FMNL1: variants seen among roughly 807,000 people sequenced by gnomAD.
FMNL1 encodes the protein formin-like protein 1.
FMNL1 carries 43 observed loss-of-function variants against 121.3 expected under a neutral mutation model. The ratio of observed to expected loss-of-function variants is 0.35; its 90% CI spans 0.28 to 0.46. The LOEUF (loss-of-function observed/expected upper bound fraction) is 0.46. FMNL1 is among the 20% of genes least tolerant of loss of function. The probability of loss-of-function intolerance (pLI) is 1.00; values close to 1 mark genes in which losing one functional copy is unlikely to be tolerated. For synonymous variants in FMNL1, 613 were observed against 613.5 expected, an observed-to-expected ratio of 1.00 and a Z score of 0.01; for missense variants, 1,191 against 1,482.4, an observed-to-expected ratio of 0.80 and a Z score of 3.23.
chr17:45,245,004 G>A lies in FMNL1; in HGVS notation c.2624G>A (p.Arg875His), dbSNP rs764905564. 1.2e-6 allele frequency: 2 copies of A among 1,613,914 alleles called. No individual in the cohort carries two copies. The highest frequency in any genetic ancestry group is 1.1e-5 in the South Asian group (1 of 91,088). ...CTGTTGGAGATGAAGTCGACTGATC[G>A]CAAGCAGACGCTGCTGCACTACCTG... ...DALLEMKSTD[R>H]KQTLLHYLVK... The change falls in exon 21 of 27, where the codon CGC (arginine) becomes CAC (histidine). Residue 875 changes from arginine to histidine, a missense_variant. This residue lies in a region of FMNL1 where 367 missense variants were observed against 528.6 expected (regional missense o/e 0.69). Coordinates refer to ENST00000331495, the MANE Select transcript of FMNL1 (RefSeq NM_005892.4).
At chr17:45,238,522 G>A (rs759838048) in intron 9 of FMNL1, 42 bp from the exon 10 acceptor site, 35 of 1,607,414 alleles carry the variant, frequency 2.2e-5, no homozygotes, top group South Asian at 3.3e-5. Flanking sequence ...AGCTTAGGAC[G>A]TGTGTCACTG....
intron 1 of FMNL1, among the ~76,000 whole-genome samples, chr17:45,225,241 G>T (rs573825947): frequency 6.6e-6 from 1 of 152,376 alleles, no homozygotes; most frequent in African/African-American, 2.4e-5. Context: ...GGGAGGTCAG[G>T]ATGGCCCCAT....
rs1419790319 is a variant in FMNL1, at chr17:45,246,925, TC to T, written c.*72del. On this transcript the variant is annotated 3_prime_UTR_variant, in exon 27 of 27. Coordinates refer to ENST00000331495, the MANE Select transcript of FMNL1 (RefSeq NM_005892.4). ...CAGGCCGCCGCAGTGCCCGTCGGCGTCCCCCGGGCCCCCCACTGCAGGTCAC... is the reference window on the plus strand; with the variant it reads ...CAGGCCGCCGCAGTGCCCGTCGGCGTCCCCGGGCCCCCCACTGCAGGTCAC... 4.0e-6 allele frequency: 3 copies of T among 757,786 alleles called. No homozygotes were observed. The highest frequency in any genetic ancestry group is 4.8e-6 in the Non-Finnish European group (2 of 415,224). 46.9% of individuals were successfully genotyped at this position (757,786 alleles called of 1,614,324 possible). A position where few individuals can be genotyped will look rare whatever the true frequency, so the allele number is the denominator to read the frequency against.
At chr17:45,244,304 C>A in intron 19 of FMNL1, 60 bp downstream of exon 19, 1 of 1,534,458 alleles carries the variant, frequency 6.5e-7, no homozygotes, top group East Asian at 2.3e-5. Flanking sequence ...AGAGGGAGAC[C>A]CAGGCCCTGC....
At position 45,234,097 on chromosome 17, in the gene FMNL1, G is replaced by C; in HGVS notation, c.511G>C (p.Gly171Arg). Residue 171 changes from glycine (G) to arginine (R), a missense_variant, in exon 6 of 27, where the codon GGG becomes CGG. Around this residue, in one of 4 missense-constraint regions of FMNL1, gnomAD observed 253 missense variants for 417.5 expected, o/e 0.61. Coordinates refer to ENST00000331495, the MANE Select transcript of FMNL1 (RefSeq NM_005892.4). ...GTATGACATGGAGAGCACAGACAAC[G>C]GGGCTTCCAACTCAGAGAAAAACAA... is the stretch of plus-strand genomic sequence containing the variant. ...VTYDMESTDN[G>R]ASNSEKNKPL... 6.2e-7 allele frequency: 1 copy of C among 1,614,050 alleles called. No individual in the cohort carries two copies. The highest frequency in any genetic ancestry group is 1.7e-5 in the Admixed American group (1 of 60,012).
In FMNL1 at chr17:45,246,955, C is replaced by A. The variant is rs775966160; in HGVS notation, c.*97C>A. ...CGGGCCCCCCACTGCAGGTCACCTC[C>A]GACCTCTCGCTGTAGCCGCTATTTC... On this transcript the variant is annotated 3_prime_UTR_variant, in exon 27 of 27. Coordinates refer to ENST00000331495, the MANE Select transcript of FMNL1 (RefSeq NM_005892.4). 7 of 751,070 alleles carry A rather than the reference C, an allele frequency of 9.3e-6. No individual in the cohort carries two copies. The highest frequency in any genetic ancestry group is 2.5e-5 in the East Asian group (1 of 40,650). The allele number at this position is 751,070 out of a possible 1,614,324, so 46.5% of individuals were successfully genotyped here.
chr17:45,243,411 T>C (rs1248782806), intron 17 of FMNL1, 91 bp downstream of exon 17: 30 of 1,427,646 alleles, frequency 2.1e-5, no homozygotes, highest in Non-Finnish European at 2.8e-5. Context: ...GCCTCAATGG[T>C]GAGCTCTTTC....
At position 45,234,091 on chromosome 17, in the gene FMNL1, GACA is replaced by G. The variant is rs778831957; in HGVS notation, c.508_510del (p.Asn170del). 13 of 1,614,022 alleles carry G rather than the reference GACA, an allele frequency of 8.1e-6. No individual in the cohort carries two copies. The Admixed American group carries it at 2.2e-4, about 27-fold the overall frequency. ...CCCCAGGTATGACATGGAGAGCACAGACAACGGGGCTTCCAACTCAGAGAAAAA... is the reference window on the plus strand; with the variant it reads ...CCCCAGGTATGACATGGAGAGCACAGACGGGGCTTCCAACTCAGAGAAAAA... On this transcript the variant is annotated inframe_deletion, in exon 6 of 27. Transcript: ENST00000331495.
Position 45,241,564 on chromosome 17 carries a change from C to G in FMNL1, c.1515C>G (p.Pro505=). ...PGDAVSIEIL[P]VAVATPSGGD... ...ATGCTGTCTCCATCGAGATCCTCCC[C>G]GTCGCTGTGGCAACTCCGAGCGGCG... The change falls in exon 14 of 27, where the codon CCC becomes CCG. Residue 505 remains proline (P), a synonymous_variant. Transcript: ENST00000331495. This position sits in a 1 kb window ranked among gnomAD's most constrained non-coding sequence, Gnocchi z 7.0. The G allele has an allele frequency of 6.4e-7, 1 of 1,567,204 alleles. No individual in the cohort carries two copies.
At chr17:45,229,212 G>A (rs1230527544) in intron 1 of FMNL1, among the ~76,000 whole-genome samples, 1 of 152,238 alleles carries the variant, frequency 6.6e-6, no homozygotes, top group African/African-American at 2.4e-5. Context: ...GGGGGCGGGG[G>A]GCCTGGCGGA....
chr17:45,235,014 T>C (rs2043522065), intron 6 of FMNL1, among the ~76,000 whole-genome samples: 1 of 152,256 alleles, frequency 6.6e-6, no homozygotes, highest in East Asian at 1.9e-4. Flanking sequence ...AGGCAGTAGA[T>C]GGACCCTAGA....
At chr17:45,232,506 T>C in intron 3 of FMNL1, 26 bp downstream of exon 3, 2 of 1,607,576 alleles carry the variant, frequency 1.2e-6, no homozygotes, top group Non-Finnish European at 1.7e-6. Context: ...CTTTACTCTG[T>C]CCCTTTCCCC....
Position 45,241,355 on chromosome 17 carries a change from C to T in FMNL1, c.1333-27C>T, listed in dbSNP as rs532301877. 8.9e-5 allele frequency: 140 copies of T among 1,581,364 alleles called. 1 individual carries two copies. The South Asian group carries it at 1.5e-3, about 17-fold the overall frequency. On this transcript the variant is annotated intron_variant, in intron 13 of 26. Transcript: ENST00000331495. The surrounding 1 kb of genome is among the most constrained non-coding windows in gnomAD (Gnocchi z 7.0). The stretch of plus-strand genomic sequence containing the variant: ...TGGTGCCAAGGAGCCTGCTGGTGGG[C>T]ACTGACCCCTCCCGTGGGGTTCGTA...
At chr17:45,224,378 C>T (rs986737004) in intron 1 of FMNL1, among the ~76,000 whole-genome samples, 3 of 152,140 alleles carry the variant, frequency 2.0e-5, no homozygotes, top group Non-Finnish European at 2.9e-5. Context: ...CTATGTGAAC[C>T]CCCACCCGAA....
Position 45,247,244 on chromosome 17 carries a change from C to T in FMNL1, c.*386C>T, listed in dbSNP as rs118097512. 3,860 of 453,976 alleles carry T rather than the reference C, an allele frequency of 8.5e-3. 161 individuals carry two copies. The highest frequency in any genetic ancestry group is 0.076 in the Admixed American group (2,063 of 27,146). The allele number at this position is 453,976 out of a possible 1,614,324, so 28.1% of individuals were successfully genotyped here. A position where few individuals can be genotyped will look rare whatever the true frequency, so the allele number is the denominator to read the frequency against. On this transcript the variant is annotated 3_prime_UTR_variant, in exon 27 of 27. Transcript: ENST00000331495. Reference sequence around the variant, plus strand: ...CCTGTAACTTATAAAGTGCACCTCGCCCCCGCAAGCCCCAGCCCCGAGGAC... The same window carrying T: ...CCTGTAACTTATAAAGTGCACCTCGTCCCCGCAAGCCCCAGCCCCGAGGAC...
At chr17:45,227,172 G>A (rs1320489246) in intron 1 of FMNL1, among the ~76,000 whole-genome samples, 1 of 152,108 alleles carries the variant, frequency 6.6e-6, no homozygotes, top group Non-Finnish European at 1.5e-5. Context: ...AAGTTCAGGG[G>A]TACCCTGGGG....
intron 1 of FMNL1, among the ~76,000 whole-genome samples, chr17:45,229,820 A>G (rs1170519448): frequency 2.0e-5 from 3 of 152,024 alleles, no homozygotes; most frequent in Non-Finnish European, 4.4e-5. Flanking sequence ...GACCTTTCTC[A>G]GCTCCTGGGG....
Position 45,243,314 on chromosome 17 carries a change from T to C in FMNL1, c.2207T>C (p.Ile736Thr), listed in dbSNP as rs2043751358. The change falls in exon 17 of 27, where the codon ATT (isoleucine) becomes ACT (threonine). Residue 736 changes from isoleucine (I) to threonine (T), a missense_variant. Around this residue, in one of 4 missense-constraint regions of FMNL1, gnomAD observed 367 missense variants for 528.6 expected, o/e 0.69. Coordinates refer to ENST00000331495, the MANE Select transcript of FMNL1 (RefSeq NM_005892.4). ...GGGGCCGAGCGCATCTGCCAAGCCA[T>C]TGAGGCGTGAGTGTCCCTGTCCTGG... ...NLGAERICQA[I>T]EAYDLQALGL... 2 of 1,613,126 alleles carry C rather than the reference T, an allele frequency of 1.2e-6. No individual in the cohort carries two copies. Among genetic ancestry groups the C allele is most frequent in the Non-Finnish European group, 8.5e-7 (1 of 1,179,792 alleles).
intron 10 of FMNL1, 108 bp downstream of exon 10, chr17:45,238,746 A>G: frequency 7.1e-7 from 1 of 1,401,746 alleles, no homozygotes; most frequent in Non-Finnish European, 9.9e-7. Context: ...CGCAAAGCGT[A>G]AGGACTGAGT....
Sources: gnomAD v4.1 joint callset for allele counts (sites outside exome capture counted in the v4.1 genomes callset) on GRCh38, gnomAD v4.1.1 for gene constraint, gnomAD v4.1.1 regional missense constraint, Gnocchi (gnomAD v3.1) non-coding constraint, MANE v1.5 for transcripts, NCBI Gene and HGNC (gene_info 2026-07-23, HGNC 2026-07-21) for gene names.